Variants in PTPRU observed in about 807,000 individuals in gnomAD.
PTPRU encodes the protein protein tyrosine phosphatase receptor type U.
In PTPRU, 69 loss-of-function variants were observed where a neutral mutation model predicts 166.3. The observed-to-expected ratio is 0.41, with a 90% CI of 0.34 to 0.51. PTPRU has a LOEUF of 0.51. Ranked by LOEUF, PTPRU falls within the 20% of genes least tolerant of loss-of-function variation. The pLI is 0.09. For missense variants in PTPRU, 1,657 were observed against 2,013.7 expected, an observed-to-expected ratio of 0.82 and a Z score of 3.39; for synonymous variants, 793 against 814.0, an observed-to-expected ratio of 0.97 and a Z score of 0.44.
Position 29,311,753 on chromosome 1 carries a change from G to A in PTPRU, c.3066G>A (p.Leu1022=), listed in dbSNP as rs760211050. 6.8e-6 allele frequency: 11 copies of A among 1,613,768 alleles called. No individual in the cohort carries two copies. The highest frequency in any genetic ancestry group is 9.3e-6 in the Non-Finnish European group (11 of 1,179,820). ...AGTATGTCGTGCGCACTTTTGCCCT[G>A]GAGCGGGTGAGTCTCCCCACCGCCT... ...LAEYVVRTFA[L]ERRGYSARHE... Residue 1022 remains leucine (L), a synonymous_variant, in exon 21 of 30, where the codon CTG becomes CTA. Coordinates refer to ENST00000373779, the MANE Select transcript of PTPRU (RefSeq NM_133178.4). The surrounding 1 kb of genome is among the most constrained non-coding windows in gnomAD (Gnocchi z 4.1).
chr1:29,259,824 C>A (rs756828450), intron 5 of PTPRU, 46 bp from the exon 6 acceptor site: 998 of 1,490,790 alleles, frequency 6.7e-4, no homozygotes, highest in Non-Finnish European at 8.2e-4. Flanking sequence ...AGATCGGGAC[C>A]CCTCGCTCCG....
intron 15 of PTPRU, among the ~76,000 whole-genome samples, chr1:29,295,821 G>A (rs1042617249): frequency 1.3e-5 from 2 of 151,988 alleles, no homozygotes; most frequent in Non-Finnish European, 2.9e-5. Flanking sequence ...CAAGTAGCTG[G>A]GACTACAGAC....
rs1209223331 is a variant in PTPRU, at chr1:29,320,039, T to C, written c.3688-646T>C. On this transcript the variant is annotated intron_variant, in intron 25 of 29. Transcript: ENST00000373779. The surrounding 1 kb of genome is among the most constrained non-coding windows in gnomAD (Gnocchi z 5.2). ...GAGTTGGAAGGGACCTAGAGATTTATTCAAAATATTTATTGAGCCCCTACA... is the reference window on the plus strand; with the variant it reads ...GAGTTGGAAGGGACCTAGAGATTTACTCAAAATATTTATTGAGCCCCTACA... Among the ~76,000 whole-genome samples the C allele has an allele frequency of 6.6e-6, 1 of 152,172 alleles. No individual in the cohort carries two copies. Among genetic ancestry groups the C allele is most frequent in the Non-Finnish European group, 1.5e-5 (1 of 68,034 alleles).
Position 29,315,215 on chromosome 1 carries a change from C to T in PTPRU, c.3228-157C>T, listed in dbSNP as rs1687842843. ...TCACTAGAGCTCTTCCATCCAGCAG[C>T]CTGCGTCCTGGCTCCTTACTCGGGG... On this transcript the variant is annotated intron_variant, in intron 22 of 29. Coordinates refer to ENST00000373779, the MANE Select transcript of PTPRU (RefSeq NM_133178.4). The surrounding 1 kb of genome is among the most constrained non-coding windows in gnomAD (Gnocchi z 4.5). 6.6e-6 allele frequency among the ~76,000 whole-genome samples: 1 copy of T among 152,146 alleles called. No homozygotes were observed. The highest frequency in any genetic ancestry group is 1.5e-5 in the Non-Finnish European group (1 of 68,038).
Position 29,325,249 on chromosome 1 carries a change from C to T in PTPRU, c.4171C>T (p.Arg1391Cys), listed in dbSNP as rs2151973231. 6.2e-7 allele frequency: 1 copy of T among 1,614,200 alleles called. No homozygotes were observed. The highest frequency in any genetic ancestry group is 1.7e-5 in the Admixed American group (1 of 60,032). The change falls in exon 29 of 30, where the codon CGC becomes TGC. Residue 1391 changes from arginine (R) to cysteine (C), a missense_variant. This residue lies in a region of PTPRU where 1,190 missense variants were observed against 1,477.4 expected (regional missense o/e 0.81). Transcript: ENST00000373779. ...CACATVLEMI[R>C]CHNLVDVFFA... ...CTGCGCCACGGTCCTGGAGATGATC[C>T]GCTGCCACAACTTGGTGGACGTTTT...
chr1:29,259,759 A>AC, intron 5 of PTPRU, 111 bp from the exon 6 acceptor site: 1 of 1,339,074 alleles, frequency 7.5e-7, no homozygotes, highest in East Asian at 2.5e-5. Context: ...CGGCTCCAGG[A>AC]ACCTATGTCC....
chr1:29,323,318 G>T (rs952932950), intron 26 of PTPRU, 53 bp from the exon 27 acceptor site: 4 of 1,578,940 alleles, frequency 2.5e-6, no homozygotes, highest in African/African-American at 2.7e-5. Flanking sequence ...TGGCTGTGGG[G>T]TGAGCCCCGG....
rs1687971194 is a variant in PTPRU at position 29,317,817 on chromosome 1, G to A, written c.3583G>A (p.Asp1195Asn). Residue 1195 changes from aspartate to asparagine, a missense_variant, in exon 25 of 30, where the codon GAC (aspartate) becomes AAC (asparagine). Asp to Asn is a conservative substitution (Grantham distance 23). Transcript: ENST00000373779. This position sits in a 1 kb window ranked among gnomAD's most constrained non-coding sequence, Gnocchi z 5.6. ...CATCGCCCTGTTGCCCCGGAACCGC[G>A]ACAAGAACCGCAGCATGGACGTCCT... ...CSIALLPRNR[D>N]KNRSMDVLPP... The A allele has an allele frequency of 3.7e-6, 6 of 1,613,548 alleles. No individual in the cohort carries two copies. The highest frequency in any genetic ancestry group is 1.6e-4 in the Middle Eastern group (1 of 6,062).
At chr1:29,240,663 C>T (rs908095236) in intron 1 of PTPRU, among the ~76,000 whole-genome samples, 1 of 152,154 alleles carries the variant, frequency 6.6e-6, no homozygotes, top group Non-Finnish European at 1.5e-5. Context: ...CCAGCCCCTC[C>T]CCCAGGCTCT....
chr1:29,316,856 A>G (rs892500056), intron 24 of PTPRU, among the ~76,000 whole-genome samples: 5 of 152,080 alleles, frequency 3.3e-5, no homozygotes, highest in African/African-American at 1.2e-4. Context: ...CTCTGGTCAC[A>G]TGCCCAAGGC....
At chr1:29,310,809 T>G in intron 19 of PTPRU, 29 bp downstream of exon 19, 1 of 1,605,632 alleles carries the variant, frequency 6.2e-7, no homozygotes. Context: ...CACATGCGCC[T>G]TCCCATGTGC....
Position 29,282,717 on chromosome 1 carries a change from T to C in PTPRU, c.1910T>C (p.Leu637Pro), listed in dbSNP as rs1686133056. 1 of 1,613,516 alleles carries C rather than the reference T, an allele frequency of 6.2e-7. No homozygotes were observed. Among genetic ancestry groups the C allele is most frequent in the Non-Finnish European group, 8.5e-7 (1 of 1,179,958 alleles). The stretch of plus-strand genomic sequence containing the variant: ...GTGGAGGAGGAGCGGGCGCGGAGGC[T>C]GCGGCGGGAGCCAGGTGGACAGGAC... ...VIVEEERARR[L>P]RREPGGQDCF... The change falls in exon 12 of 30, where the codon CTG becomes CCG. Residue 637 changes from leucine to proline, a missense_variant. Physicochemically the swap from Leu to Pro is moderately conservative, Grantham distance 98 (BLOSUM62 -3). Around this residue, in one of 3 missense-constraint regions of PTPRU, gnomAD observed 1,190 missense variants for 1,477.4 expected, o/e 0.81. Coordinates refer to ENST00000373779, the MANE Select transcript of PTPRU (RefSeq NM_133178.4).
At chr1:29,255,481 T>C in intron 2 of PTPRU, 75 bp downstream of exon 2, 1 of 1,578,046 alleles carries the variant, frequency 6.3e-7, no homozygotes, top group South Asian at 1.1e-5. Context: ...TGTGTGACCT[T>C]GGGCACATTA....
In PTPRU at chr1:29,237,093, ATTTG is replaced by A. The variant is rs1449420564; in HGVS notation, c.73+381_73+384del. Among the ~76,000 whole-genome samples the A allele has an allele frequency of 6.6e-6, 1 of 151,750 alleles. No individual in the cohort carries two copies. The highest frequency in any genetic ancestry group is 2.4e-5 in the African/African-American group (1 of 41,260). ...GGAGTTGTATCTGCTAATGTGTTGCATTTGTTTGCATTTTGTATGCCTGGCCGGG... is the reference window on the plus strand; with the variant it reads ...GGAGTTGTATCTGCTAATGTGTTGCATTTGCATTTTGTATGCCTGGCCGGG... On this transcript the variant is annotated intron_variant, in intron 1 of 29. Transcript: ENST00000373779. The surrounding 1 kb of genome is among the most constrained non-coding windows in gnomAD (Gnocchi z 6.4).
chr1:29,323,504 G>A lies in PTPRU; in HGVS notation c.3954+8G>A. The A allele has an allele frequency of 3.1e-6, 5 of 1,611,270 alleles. No homozygotes were observed. The highest frequency in any genetic ancestry group is 4.2e-6 in the Non-Finnish European group (5 of 1,178,846). On this transcript the variant is annotated splice_region_variant and intron_variant, in intron 27 of 29. Transcript: ENST00000373779. Reference sequence around the variant, plus strand: ...GTGCAGAACATCTCTCGGGTGAGTGGTCTGAGGAGCCCCAGGGAAGGACCC... The same window carrying A: ...GTGCAGAACATCTCTCGGGTGAGTGATCTGAGGAGCCCCAGGGAAGGACCC...
chr1:29,317,531 C>T lies in PTPRU; in HGVS notation c.3514-217C>T, dbSNP rs545982858. Among the ~76,000 whole-genome samples the T allele has an allele frequency of 6.6e-5, 10 of 152,240 alleles. No homozygotes were observed. Among genetic ancestry groups the T allele is most frequent in the African/African-American group, 2.4e-4 (10 of 41,550 alleles). On this transcript the variant is annotated intron_variant, in intron 24 of 29. Coordinates refer to ENST00000373779, the MANE Select transcript of PTPRU (RefSeq NM_133178.4). This position sits in a 1 kb window ranked among gnomAD's most constrained non-coding sequence, Gnocchi z 5.6. Reference sequence around the variant, plus strand: ...AGCTTGTCTGAGGTTATGTGGGTGGCAAGGAGGTAGACTCTGGTCTCTAGA... The same window carrying T: ...AGCTTGTCTGAGGTTATGTGGGTGGTAAGGAGGTAGACTCTGGTCTCTAGA...
In PTPRU at chr1:29,299,044, G is replaced by T. The variant is rs375200473; in HGVS notation, c.2477-4811G>T. Among the ~76,000 whole-genome samples, 19 of 152,288 alleles carry T rather than the reference G, an allele frequency of 1.2e-4. 1 individual carries two copies. The highest frequency in any genetic ancestry group is 4.6e-4 in the African/African-American group (19 of 41,564). The stretch of plus-strand genomic sequence containing the variant: ...GGTGCTACCACATTGAATAACTGGG[G>T]GCCTCTCCTCATCTGAGGGTGGTGG... On this transcript the variant is annotated intron_variant, in intron 15 of 29. Coordinates refer to ENST00000373779, the MANE Select transcript of PTPRU (RefSeq NM_133178.4).
At chr1:29,304,954 C>A in intron 17 of PTPRU, 105 bp downstream of exon 17, 1 of 1,019,952 alleles carries the variant, frequency 9.8e-7, no homozygotes, top group Non-Finnish European at 1.4e-6. Context: ...ATGATAGTAG[C>A]ATTGGCCACC....
Position 29,312,717 on chromosome 1 carries a change from C to G in PTPRU, c.3227+11C>G. Reference sequence around the variant, plus strand: ...TGTCATCCACTGCAGGTGGGGGCACCGGGAATCCCAAGGAGAAAAGGGGCC... The same window carrying G: ...TGTCATCCACTGCAGGTGGGGGCACGGGGAATCCCAAGGAGAAAAGGGGCC... On this transcript the variant is annotated intron_variant, in intron 22 of 29. Coordinates refer to ENST00000373779, the MANE Select transcript of PTPRU (RefSeq NM_133178.4). 6.3e-7 allele frequency: 1 copy of G among 1,594,506 alleles called. No individual in the cohort carries two copies. The highest frequency in any genetic ancestry group is 8.6e-7 in the Non-Finnish European group (1 of 1,165,282).
Sources: gnomAD v4.1 joint callset for allele counts (sites outside exome capture counted in the v4.1 genomes callset) on GRCh38, gnomAD v4.1.1 for gene constraint, gnomAD v4.1.1 regional missense constraint, Gnocchi (gnomAD v3.1) non-coding constraint, MANE v1.5 for transcripts, NCBI Gene and HGNC (gene_info 2026-07-23, HGNC 2026-07-21) for gene names.